The following SNX4 variants were observed in gnomAD, a reference collection of about 807,000 sequenced individuals.
SNX4 encodes sorting nexin-4.
Under a neutral mutation model 70.8 loss-of-function variants are expected in SNX4, and 49 were observed. That is an observed-to-expected ratio of 0.69 (90% CI 0.55 to 0.88). The LOEUF is 0.88. SNX4 is among the 40% of genes least tolerant of loss of function. The pLI, the probability that SNX4 is intolerant of heterozygous loss-of-function variation, is 0.00. For synonymous variants in SNX4, 206 were observed against 183.8 expected, an observed-to-expected ratio of 1.12 and a Z score of -0.98; for missense variants, 528 against 544.8, an observed-to-expected ratio of 0.97 and a Z score of 0.31.
chr3:125,500,851 TAACA>T (rs1167371008), intron 2 of SNX4, among the ~76,000 whole-genome samples: 1 of 137,242 alleles, frequency 7.3e-6, no homozygotes, highest in East Asian at 2.1e-4. Context: ...AAGCTAGAGT[TAACA>T]CTAATTTTTA....
At chr3:125,468,372 C>T (rs1934082999) in intron 9 of SNX4, among the ~76,000 whole-genome samples, 1 of 152,124 alleles carries the variant, frequency 6.6e-6, no homozygotes, top group African/African-American at 2.4e-5. Flanking sequence ...CATGTAACCC[C>T]TGAACCTATA....
chr3:125,518,024 T>C (rs980110954), intron 1 of SNX4, among the ~76,000 whole-genome samples: 1 of 152,142 alleles, frequency 6.6e-6, no homozygotes, highest in Non-Finnish European at 1.5e-5. Context: ...CTACAACTTA[T>C]ACTGCATGAT....
intron 9 of SNX4, among the ~76,000 whole-genome samples, chr3:125,465,240 CT>C (rs76799258): frequency 0.043 from 6,080 of 141,850 alleles, 231 homozygotes; most frequent in African/African-American, 0.095. Flanking sequence ...TATAGTAAAT[CT>C]TTTTTTTTTT....
At chr3:125,454,937 T>TC (rs1559808630) in intron 11 of SNX4, among the ~76,000 whole-genome samples, 1 of 149,940 alleles carries the variant, frequency 6.7e-6, no homozygotes, top group African/African-American at 2.4e-5. Context: ...CTGAATTTCT[T>TC]TTTTTTTTTG....
chr3:125,508,439 C>T (rs1159062094), intron 1 of SNX4, among the ~76,000 whole-genome samples: 2 of 145,560 alleles, frequency 1.4e-5, no homozygotes, highest in Non-Finnish European at 3.0e-5. Context: ...TGGTGGCAGG[C>T]GCCTGTAGTC....
chr3:125,498,250 TA>T, intron 2 of SNX4, 56 bp from the exon 3 acceptor site: 1 of 1,430,902 alleles, frequency 7.0e-7, no homozygotes, highest in South Asian at 1.2e-5. Context: ...TACATACACA[TA>T]AATACAATCA....
At chr3:125,453,647 C>T (rs907628968) in intron 12 of SNX4, among the ~76,000 whole-genome samples, 163 bp downstream of exon 12, 17 of 151,910 alleles carry the variant, frequency 1.1e-4, no homozygotes, top group African/African-American at 4.1e-4. Context: ...CCACACCCAG[C>T]GTGATAACTC....
intron 6 of SNX4, among the ~76,000 whole-genome samples, chr3:125,486,848 C>A (rs966073714): frequency 4.6e-5 from 7 of 151,974 alleles, no homozygotes; most frequent in African/African-American, 1.7e-4. Flanking sequence ...CCCAGCAGTT[C>A]CAGACCAGCC....
chr3:125,482,281 C>T (rs1934429437), intron 6 of SNX4, among the ~76,000 whole-genome samples: 1 of 152,186 alleles, frequency 6.6e-6, no homozygotes. Flanking sequence ...TACTTGCTTC[C>T]ATAGCCAAAG....
At chr3:125,519,943 G>GGCCCGGCCCAGCCCA in intron 1 of SNX4, 89 bp downstream of exon 1, 1 of 1,011,080 alleles carries the variant, frequency 9.9e-7, no homozygotes, top group Non-Finnish European at 1.3e-6. Flanking sequence ...CCACTGGCCC[G>GGCCCGGCCCAGCCCA]GCCCGGCCCA....
At chr3:125,468,574 A>G (rs1158378590) in intron 9 of SNX4, among the ~76,000 whole-genome samples, 1 of 152,108 alleles carries the variant, frequency 6.6e-6, no homozygotes, top group Non-Finnish European at 1.5e-5. Flanking sequence ...ATCTGGGAAC[A>G]GCGGCTCATG....
chr3:125,449,188 T>G (rs1432234066), intron 13 of SNX4: 1 of 150,876 alleles, frequency 6.6e-6, no homozygotes, highest in African/African-American at 2.4e-5. Context: ...CTTTGGGAGG[T>G]GGAGGCAGGC....
intron 5 of SNX4, 141 bp downstream of exon 5, chr3:125,497,200 T>A: frequency 1.8e-6 from 1 of 556,400 alleles, no homozygotes. Flanking sequence ...TAGTGTTTCT[T>A]TGAAAACCTT....
chr3:125,495,106 A>G (rs1253547879), intron 5 of SNX4, among the ~76,000 whole-genome samples: 3 of 151,770 alleles, frequency 2.0e-5, no homozygotes, highest in African/African-American at 4.8e-5. Context: ...GTAGTAAAGT[A>G]TAGCAGGAAG....
intron 5 of SNX4, among the ~76,000 whole-genome samples, chr3:125,495,713 T>C (rs147432451): frequency 6.7e-4 from 102 of 152,272 alleles, no homozygotes; most frequent in East Asian, 4.6e-3. Context: ...AAAAACTGTA[T>C]TCAAAGACAA....
At chr3:125,513,956 G>A (rs765324914) in intron 1 of SNX4, among the ~76,000 whole-genome samples, 17 of 152,074 alleles carry the variant, frequency 1.1e-4, no homozygotes, top group Admixed American at 3.3e-4. Flanking sequence ...GGCAGATTCC[G>A]CTAGGGTCTG....
At chr3:125,461,237 G>GACAA (rs572412029) in intron 9 of SNX4, among the ~76,000 whole-genome samples, 3 of 151,920 alleles carry the variant, frequency 2.0e-5, no homozygotes, top group Admixed American at 6.6e-5. Context: ...AAAACAAACA[G>GACAA]ACAAACAAAC....
chr3:125,448,992 A>G (rs1197362243), intron 13 of SNX4: 3 of 152,042 alleles, frequency 2.0e-5, no homozygotes, highest in African/African-American at 7.2e-5. Context: ...TTTTTTCAGT[A>G]AGGTATTTTT....
intron 2 of SNX4, among the ~76,000 whole-genome samples, chr3:125,500,132 T>A (rs1465645684): frequency 6.6e-6 from 1 of 151,320 alleles, no homozygotes; most frequent in African/African-American, 2.4e-5. Context: ...ATAAACTGAC[T>A]AAAAGCACAG....
Sources: allele counts gnomAD v4.1 joint callset (sites outside exome capture counted in the v4.1 genomes callset), GRCh38; gene constraint gnomAD v4.1.1; transcripts MANE v1.5; gene names NCBI Gene and HGNC (gene_info 2026-07-23, HGNC 2026-07-21).